The following FCRL3 variants were observed in gnomAD, a reference collection of about 807,000 sequenced individuals.
FCRL3 encodes the protein Fc receptor like 3, also known as Fc receptor-like protein 3.
A neutral mutation model predicts 75.0 loss-of-function variants in FCRL3; 89 were observed. The observed-to-expected ratio is 1.19, with a 90% CI of 1.00 to 1.42. FCRL3 has a LOEUF of 1.42. FCRL3 is among the 40% of genes most tolerant of loss of function. FCRL3 has a pLI of 0.00. For missense variants in FCRL3, 946 were observed against 880.0 expected (o/e 1.07, Z -0.95); for synonymous variants, 376 against 348.5 (o/e 1.08, Z -0.88).
intron 12 of FCRL3, 60 bp downstream of exon 12, chr1:157,680,921 C>G: frequency 6.8e-7 from 1 of 1,475,296 alleles, no homozygotes; most frequent in Non-Finnish European, 9.3e-7. Flanking sequence ...GGCTGTCGCT[C>G]AATCCCTCTT....
chr1:157,698,600 T>C lies in FCRL3; in HGVS notation c.82A>G (p.Asn28Asp), dbSNP rs7522061. ...GVAPKAVLLL[N>D]PPWSTAFKGE... Reference sequence around the variant, plus strand: ...TTGAAGGCTGTGGACCATGGAGGATTGAGGAGAAGTACAGCTTTTGGGGCC... The same window carrying C: ...TTGAAGGCTGTGGACCATGGAGGATCGAGGAGAAGTACAGCTTTTGGGGCC... Residue 28 changes from asparagine (N) to aspartate (D), a missense_variant, in exon 4 of 15, where the codon AAT (asparagine) becomes GAT (aspartate). Physicochemically the swap from Asn to Asp is conservative, Grantham distance 23. Transcript: ENST00000368184. 0.47 allele frequency: 757,431 copies of C among 1,612,742 alleles called. 180,413 individuals carry two copies. The highest frequency in any genetic ancestry group is 0.63 in the African/African-American group (47,237 of 74,946).
chr1:157,689,997 G>C, intron 9 of FCRL3, 80 bp from the exon 10 acceptor site: 2 of 1,580,432 alleles, frequency 1.3e-6, no homozygotes, highest in Non-Finnish European at 1.7e-6. Flanking sequence ...GGGTGAGTGT[G>C]TTCCAGTTTC....
intron 8 of FCRL3, among the ~76,000 whole-genome samples, chr1:157,692,547 G>A (rs762463537): frequency 1.2e-4 from 18 of 152,158 alleles, no homozygotes; most frequent in Admixed American, 2.6e-4. Flanking sequence ...AATCATAAAA[G>A]ATTTACAATG....
At chr1:157,683,157 A>G in intron 11 of FCRL3, 60 bp downstream of exon 11, 1 of 1,562,344 alleles carries the variant, frequency 6.4e-7, no homozygotes, top group South Asian at 1.2e-5. Flanking sequence ...AACATAAACA[A>G]GTCTCGTGCA....
In FCRL3 at chr1:157,677,988, A is replaced by T; in HGVS notation, c.*722T>A. On this transcript the variant is annotated 3_prime_UTR_variant, in exon 15 of 15. Transcript: ENST00000368184. ...AATAAAACTGACTGACTAGAAATCT[A>T]TCATGTATGGCAAATGATGAGACTA... 1.0e-6 allele frequency: 1 copy of T among 985,402 alleles called. No individual in the cohort carries two copies. The highest frequency in any genetic ancestry group is 1.2e-6 in the Non-Finnish European group (1 of 829,908). 61.0% of individuals were successfully genotyped at this position (985,402 alleles called of 1,614,324 possible). A position where few individuals can be genotyped will look rare whatever the true frequency, so the allele number is the denominator to read the frequency against.
chr1:157,683,457 C>T (rs1367098737), intron 10 of FCRL3, among the ~76,000 whole-genome samples: 3 of 152,256 alleles, frequency 2.0e-5, no homozygotes, highest in Non-Finnish European at 2.9e-5. Flanking sequence ...GAGTCACACT[C>T]ATTCTGAATC....
intron 13 of FCRL3, 67 bp downstream of exon 13, chr1:157,680,635 A>G: frequency 7.3e-7 from 1 of 1,364,126 alleles, no homozygotes; most frequent in South Asian, 1.2e-5. Context: ...AACTCTGATC[A>G]AAGACCCCTT....
rs763342134 is a variant in FCRL3, at chr1:157,698,381, CA to C, written c.298+2del. ...CTTTAGACACTCCCCTTCCATTCCT[CA>C]CCAGGTGAAAATTCCACATGCACGG... On this transcript the variant is annotated splice_donor_variant, in intron 4 of 14. Transcript: ENST00000368184. LOFTEE classifies it high-confidence loss of function. 1.9e-6 allele frequency: 3 copies of C among 1,614,028 alleles called. No individual in the cohort carries two copies. In the African/African-American group the frequency reaches 4.0e-5, roughly 22 times the overall value.
chr1:157,700,467 A>T lies in FCRL3; in HGVS notation c.23T>A (p.Leu8Gln), dbSNP rs1557836556. The part of the protein sequence containing the change: MLLWLLL[L>Q]ILTPGREQSG... Reference sequence around the variant, plus strand: ...ATAGCCCATCTACTCACTCAGGATCAGCAGCAGCAGCCACAGAAGCATGGG... The same window carrying T: ...ATAGCCCATCTACTCACTCAGGATCTGCAGCAGCAGCCACAGAAGCATGGG... Residue 8 changes from leucine to glutamine, a missense_variant, in exon 2 of 15, where the codon CTG (leucine) becomes CAG (glutamine). Physicochemically the swap from Leu to Gln is moderately radical, Grantham distance 113 (BLOSUM62 -2). Coordinates refer to ENST00000368184, the MANE Select transcript of FCRL3 (RefSeq NM_052939.4). The T allele has an allele frequency of 1.9e-6, 3 of 1,612,990 alleles. No individual in the cohort carries two copies. Among genetic ancestry groups the T allele is most frequent in the Non-Finnish European group, 2.5e-6 (3 of 1,179,362 alleles).
intron 6 of FCRL3, 113 bp from the exon 7 acceptor site, chr1:157,696,440 G>T: frequency 1.8e-6 from 2 of 1,081,772 alleles, no homozygotes; most frequent in Non-Finnish European, 2.7e-6. Flanking sequence ...GCAGGCAGAA[G>T]CCCAAAGTAG....
intron 5 of FCRL3, 76 bp from the exon 6 acceptor site, chr1:157,697,500 C>A: frequency 6.7e-7 from 1 of 1,484,618 alleles, no homozygotes; most frequent in Non-Finnish European, 9.0e-7. Flanking sequence ...GTCATCTCAG[C>A]ACCAGCCATC....
In FCRL3 at chr1:157,698,564, C is replaced by G. The variant is rs761638478; in HGVS notation, c.118G>C (p.Val40Leu). 2 of 1,614,074 alleles carry G rather than the reference C, an allele frequency of 1.2e-6. No individual in the cohort carries two copies. The highest frequency in any genetic ancestry group is 1.7e-5 in the Admixed American group (1 of 60,020). Residue 40 changes from valine (V) to leucine (L), a missense_variant, in exon 4 of 15, where the codon GTG becomes CTG. Coordinates refer to ENST00000368184, the MANE Select transcript of FCRL3 (RefSeq NM_052939.4). Reference protein sequence around the residue: ...PWSTAFKGEKVALICSSISHS... With the variant: ...PWSTAFKGEKLALICSSISHS... The stretch of plus-strand genomic sequence containing the variant: ...GATATGCTGCTGCATATGAGAGCCA[C>G]TTTTTCTCCTTTGAAGGCTGTGGAC...
Position 157,678,418 on chromosome 1 carries a change from A to T in FCRL3, c.*292T>A. On this transcript the variant is annotated 3_prime_UTR_variant, in exon 15 of 15. Coordinates refer to ENST00000368184, the MANE Select transcript of FCRL3 (RefSeq NM_052939.4). ...GTGCCCTTGTAACCCTGGCTAGACC[A>T]TTTCTCTCTCCTCCTCTATTCGACA... 1.6e-6 allele frequency: 2 copies of T among 1,242,574 alleles called. No individual in the cohort carries two copies. The highest frequency in any genetic ancestry group is 2.0e-6 in the Non-Finnish European group (2 of 985,346). 77.0% of individuals were successfully genotyped at this position (1,242,574 alleles called of 1,614,324 possible). A position where few individuals can be genotyped will look rare whatever the true frequency, so the allele number is the denominator to read the frequency against.
In FCRL3 at chr1:157,677,473, G is replaced by A; in HGVS notation, c.*1237C>T. ...AATCTCAGTTGTCCCTAGGACTTGAGGTGTTCAGAGATATTTGGAAACATC... is the reference window on the plus strand; with the variant it reads ...AATCTCAGTTGTCCCTAGGACTTGAAGTGTTCAGAGATATTTGGAAACATC... On this transcript the variant is annotated 3_prime_UTR_variant, in exon 15 of 15. Transcript: ENST00000368184. 1.0e-6 allele frequency: 1 copy of A among 985,398 alleles called. No homozygotes were observed. The highest frequency in any genetic ancestry group is 1.2e-6 in the Non-Finnish European group (1 of 829,936). 61.0% of individuals were successfully genotyped at this position (985,398 alleles called of 1,614,324 possible).
chr1:157,690,611 A>G, intron 8 of FCRL3, 78 bp from the exon 9 acceptor site: 2 of 1,532,918 alleles, frequency 1.3e-6, no homozygotes, highest in South Asian at 2.5e-5. Context: ...AATATGCAGC[A>G]TAGTTGAGTT....
Position 157,676,629 on chromosome 1 carries a change from C to T in FCRL3, c.*2081G>A, listed in dbSNP as rs929594805. On this transcript the variant is annotated 3_prime_UTR_variant, in exon 15 of 15. Coordinates refer to ENST00000368184, the MANE Select transcript of FCRL3 (RefSeq NM_052939.4). Reference sequence around the variant, plus strand: ...TAATTCATTTTACAGGGCAATCAATCAGAATTTGCACATTTGTTATATCCG... The same window carrying T: ...TAATTCATTTTACAGGGCAATCAATTAGAATTTGCACATTTGTTATATCCG... 1 of 1,277,448 alleles carries T rather than the reference C, an allele frequency of 7.8e-7. No homozygotes were observed. The highest frequency in any genetic ancestry group is 1.1e-6 in the Non-Finnish European group (1 of 908,260). 79.1% of individuals were successfully genotyped at this position (1,277,448 alleles called of 1,614,324 possible).
chr1:157,695,967 G>T, intron 7 of FCRL3, 73 bp downstream of exon 7: 1 of 1,196,702 alleles, frequency 8.4e-7, no homozygotes, highest in Non-Finnish European at 1.1e-6. Flanking sequence ...TCTTTTAGGA[G>T]ACCTTAGTGG....
At chr1:157,699,598 A>T in intron 3 of FCRL3, 94 bp downstream of exon 3, 3 of 1,330,384 alleles carry the variant, frequency 2.3e-6, no homozygotes, top group Non-Finnish European at 3.2e-6. Flanking sequence ...AGCATTGCTG[A>T]TGGGATGCGT....
In FCRL3 at chr1:157,678,849, G is replaced by A. The variant is rs935106798; in HGVS notation, c.2066C>T (p.Thr689Ile). The change falls in exon 15 of 15, where the codon ACA becomes ATA. Residue 689 changes from threonine (T) to isoleucine (I), a missense_variant. Physicochemically the swap from Thr to Ile is moderately conservative, Grantham distance 89. Coordinates refer to ENST00000368184, the MANE Select transcript of FCRL3 (RefSeq NM_052939.4). ...PMMHQEHEELTVLYSELKKTH... is the reference protein window; with the variant it reads ...PMMHQEHEELIVLYSELKKTH... ...CTTCTTCAGTTCTGAATAGAGGACT[G>A]TAAGTTCCTGGTAGAAAAAAACACA... 1.2e-5 allele frequency: 19 copies of A among 1,613,876 alleles called. No individual in the cohort carries two copies. Among genetic ancestry groups the A allele is most frequent in the South Asian group, 9.9e-5 (9 of 91,080 alleles).
Sources: allele counts gnomAD v4.1 joint callset (sites outside exome capture counted in the v4.1 genomes callset), GRCh38; gene constraint gnomAD v4.1.1; transcripts MANE v1.5; gene names NCBI Gene and HGNC (gene_info 2026-07-23, HGNC 2026-07-21).